ATP9B: variants seen among roughly 807,000 people sequenced by gnomAD.
ATP9B encodes ATPase phospholipid transporting 9B.
ATP9B carries 110 observed loss-of-function variants against 146.1 expected under a neutral mutation model. The observed-to-expected ratio is 0.75, with a 90% CI of 0.65 to 0.88. The LOEUF is 0.88. ATP9B is among the 40% of genes least tolerant of loss of function. The pLI is 0.00. For synonymous variants in ATP9B, 604 were observed against 569.7 expected (o/e 1.06, Z -0.86); for missense variants, 1,499 against 1,496.4 (o/e 1.00, Z -0.03).
intron 17 of ATP9B, among the ~76,000 whole-genome samples, chr18:79,336,261 C>T (rs1315383885): frequency 6.6e-6 from 1 of 152,260 alleles, no homozygotes; most frequent in Non-Finnish European, 1.5e-5. Flanking sequence ...CTGCCGTCCA[C>T]ACTCTGGAGT....
chr18:79,252,922 GCAGAGGCACCCACACGGATAA>G (rs2096043042), intron 11 of ATP9B, among the ~76,000 whole-genome samples: 1 of 152,104 alleles, frequency 6.6e-6, no homozygotes, highest in Non-Finnish European at 1.5e-5. Flanking sequence ...TGGGGGAGGT[GCAGAGGCACCCACACGGATAA>G]CAGAGGCATG....
chr18:79,151,892 A>G (rs956199973), intron 6 of ATP9B, among the ~76,000 whole-genome samples: 2 of 152,134 alleles, frequency 1.3e-5, no homozygotes, highest in Non-Finnish European at 2.9e-5. Context: ...TGAGCAGGCA[A>G]CCTACAGAAT....
At chr18:79,262,562 C>G (rs186876292) in intron 12 of ATP9B, among the ~76,000 whole-genome samples, 1 of 152,264 alleles carries the variant, frequency 6.6e-6, no homozygotes, top group East Asian at 1.9e-4. Context: ...ATTCAGAGTT[C>G]TGAATTTGGG....
intron 13 of ATP9B, among the ~76,000 whole-genome samples, chr18:79,288,024 G>A (rs1415922746): frequency 1.3e-5 from 2 of 151,728 alleles, no homozygotes; most frequent in Non-Finnish European, 2.9e-5. Context: ...GCTGAGGAGA[G>A]CTTTACTTCC....
At chr18:79,193,732 CCTGA>C (rs1312593259) in intron 9 of ATP9B, among the ~76,000 whole-genome samples, 6 of 152,248 alleles carry the variant, frequency 3.9e-5, no homozygotes, top group African/African-American at 1.4e-4. Context: ...GCACCTTGCC[CCTGA>C]CTAACAGGGC....
intron 11 of ATP9B, among the ~76,000 whole-genome samples, chr18:79,233,241 G>A (rs867401741): frequency 2.0e-5 from 3 of 152,048 alleles, no homozygotes; most frequent in African/African-American, 4.8e-5. Context: ...TCAGTGAGCC[G>A]AGATCATGCC....
At chr18:79,186,453 A>C (rs1191697526) in intron 8 of ATP9B, among the ~76,000 whole-genome samples, 1 of 152,076 alleles carries the variant, frequency 6.6e-6, no homozygotes, top group African/African-American at 2.4e-5. Context: ...GCATTACTCT[A>C]AATGCTGATG....
chr18:79,373,907 T>G lies in ATP9B; in HGVS notation c.3080T>G (p.Leu1027Arg). 1 of 1,612,876 alleles carries G rather than the reference T, an allele frequency of 6.2e-7. No individual in the cohort carries two copies. The highest frequency in any genetic ancestry group is 8.5e-7 in the Non-Finnish European group (1 of 1,180,028). The change falls in exon 28 of 30, where the codon CTC (leucine) becomes CGC (arginine). Residue 1027 changes from leucine to arginine, a missense_variant. Physicochemically the swap from Leu to Arg is moderately radical, Grantham distance 102 (BLOSUM62 -2). Coordinates refer to ENST00000426216, the MANE Select transcript of ATP9B (RefSeq NM_198531.5). Reference protein sequence around the residue: ...VLISIYQGGILMYGALVLFES... With the variant: ...VLISIYQGGIRMYGALVLFES... Reference sequence around the variant, plus strand: ...TCCTGCTGTTTTTCAGGCGGCATCCTCATGTATGGGGCCCTGGTGCTCTTC... The same window carrying G: ...TCCTGCTGTTTTTCAGGCGGCATCCGCATGTATGGGGCCCTGGTGCTCTTC...
At chr18:79,277,595 TAATTTGGTATTTAATACTCA>T (rs1412884852) in intron 13 of ATP9B, among the ~76,000 whole-genome samples, 1 of 152,218 alleles carries the variant, frequency 6.6e-6, no homozygotes, top group Non-Finnish European at 1.5e-5. Flanking sequence ...ACAGATATGT[TAATTTGGTATTTAATACTCA>T]AATTCTCCTA....
At chr18:79,307,863 C>T (rs2096627952) in intron 15 of ATP9B, among the ~76,000 whole-genome samples, 1 of 152,088 alleles carries the variant, frequency 6.6e-6, no homozygotes, top group Admixed American at 6.5e-5. Context: ...CACTTTGTCC[C>T]TTTAAGGTCC....
intron 1 of ATP9B, among the ~76,000 whole-genome samples, chr18:79,092,242 A>G (rs1001390064): frequency 1.3e-5 from 2 of 152,184 alleles, no homozygotes; most frequent in Admixed American, 1.3e-4. Flanking sequence ...AGTGTACTCA[A>G]ACAGACCAAG....
At chr18:79,093,761 A>C (rs1476128376) in intron 1 of ATP9B, among the ~76,000 whole-genome samples, 1 of 151,966 alleles carries the variant, frequency 6.6e-6, no homozygotes, top group Non-Finnish European at 1.5e-5. Context: ...ATTTCTGTCT[A>C]CCCTAGGATG....
rs140884578 is a variant in ATP9B at position 79,187,865 on chromosome 18, T to G, written c.874-5318T>G. On this transcript the variant is annotated intron_variant, in intron 8 of 29. Transcript: ENST00000426216. ...AATGAATGAAATATCAACAGAAAAA[T>G]AGTAAATATGTCTTCTAGAAATGAA... Among the ~76,000 whole-genome samples the G allele has an allele frequency of 4.0e-3, 615 of 152,096 alleles. 9 individuals are homozygous for G. Among genetic ancestry groups the G allele is most frequent in the African/African-American group, 0.014 (590 of 41,482 alleles).
intron 19 of ATP9B, chr18:79,340,395 G>A (rs935696585): frequency 2.0e-5 from 3 of 152,172 alleles, no homozygotes; most frequent in Admixed American, 6.5e-5. Flanking sequence ...TTGCCGCAGT[G>A]CTAGTTCTTC....
chr18:79,254,842 T>G (rs1240531482), intron 12 of ATP9B: 2 of 152,440 alleles, frequency 1.3e-5, no homozygotes, highest in African/African-American at 4.8e-5. Flanking sequence ...GCTCTTACCC[T>G]AAATACCTTT....
chr18:79,111,893 TA>T (rs1199454174), intron 3 of ATP9B, among the ~76,000 whole-genome samples: 1 of 152,182 alleles, frequency 6.6e-6, no homozygotes, highest in Non-Finnish European at 1.5e-5. Context: ...AATTACCCAG[TA>T]GGAGTTCTAT....
chr18:79,165,112 T>A (rs970192509), intron 7 of ATP9B, among the ~76,000 whole-genome samples: 2 of 152,238 alleles, frequency 1.3e-5, no homozygotes, highest in Admixed American at 1.3e-4. Flanking sequence ...TCACGTATTT[T>A]CCCTGAATTT....
In ATP9B at chr18:79,372,061, G is replaced by A. The variant is rs114002426; in HGVS notation, c.3013-764G>A. Among the ~76,000 whole-genome samples, 988 of 152,294 alleles carry A rather than the reference G, an allele frequency of 6.5e-3. 8 individuals carry two copies. Among genetic ancestry groups the A allele is most frequent in the African/African-American group, 0.022 (925 of 41,552 alleles). ...GGGCCTCTCAACACGTGTCACTTTC[G>A]ACAGCTCTTTAGCACCAACAAGTCA... is the stretch of plus-strand genomic sequence containing the variant. On this transcript the variant is annotated intron_variant, in intron 26 of 29. Coordinates refer to ENST00000426216, the MANE Select transcript of ATP9B (RefSeq NM_198531.5).
rs373009400 is a variant in ATP9B, at chr18:79,097,157, CAAA to C, written c.293+522_293+524del. ...TGGGCAATGGAGTAAGACTCTGTCT[CAAA>C]AAAAAAAAAAAAAGCTAGAGAAAAT... On this transcript the variant is annotated intron_variant, in intron 2 of 29. Transcript: ENST00000426216. Among the ~76,000 whole-genome samples, 212 of 80,026 alleles carry C rather than the reference CAAA, an allele frequency of 2.6e-3. 3 individuals carry two copies. Among genetic ancestry groups the C allele is most frequent in the African/African-American group, 8.4e-3 (196 of 23,236 alleles). The allele number at this position is 80,026 out of a possible 152,430, so 52.5% of individuals were successfully genotyped here.
Sources: gnomAD v4.1 joint callset for allele counts (sites outside exome capture counted in the v4.1 genomes callset) on GRCh38, gnomAD v4.1.1 for gene constraint, MANE v1.5 for transcripts, NCBI Gene and HGNC (gene_info 2026-07-23, HGNC 2026-07-21) for gene names.